Variants in PRKAG2 observed in about 807,000 individuals in gnomAD.
PRKAG2 encodes protein kinase AMP-activated non-catalytic subunit gamma 2, also known as 5'-AMP-activated protein kinase subunit gamma-2.
In PRKAG2, 26 loss-of-function variants were observed where a neutral mutation model predicts 69.6. That is an observed-to-expected ratio of 0.37 (90% CI 0.27 to 0.52). PRKAG2 has a LOEUF of 0.52. PRKAG2 is among the 20% of genes least tolerant of loss of function. The probability of loss-of-function intolerance (pLI) is 0.90; values close to 1 mark genes in which losing one functional copy is unlikely to be tolerated. For missense variants in PRKAG2, 557 were observed against 740.0 expected (o/e 0.75, Z 2.87); for synonymous variants, 293 against 285.0 (o/e 1.03, Z -0.28).
intron 2 of PRKAG2, 130 bp downstream of exon 2, chr7:151,786,340 C>T (rs894743314): frequency 1.1e-5 from 10 of 900,100 alleles, no homozygotes; most frequent in South Asian, 4.2e-5. Context: ...GGCTCGGTTA[C>T]GGCCAGGTGT....
chr7:151,797,592 G>T (rs1184286696), intron 1 of PRKAG2, among the ~76,000 whole-genome samples: 1 of 152,202 alleles, frequency 6.6e-6, no homozygotes, highest in African/African-American at 2.4e-5. Flanking sequence ...TACATCAAAA[G>T]ATTCTTCCCC....
intron 3 of PRKAG2, among the ~76,000 whole-genome samples, chr7:151,770,547 C>A: frequency 6.6e-6 from 1 of 152,226 alleles, no homozygotes; most frequent in Non-Finnish European, 1.5e-5. Flanking sequence ...AGAATGGTGA[C>A]CTGCTGGCTG....
intron 4 of PRKAG2, among the ~76,000 whole-genome samples, chr7:151,643,156 C>T (rs1827023996): frequency 6.6e-6 from 1 of 152,182 alleles, no homozygotes; most frequent in Non-Finnish European, 1.5e-5. Flanking sequence ...TTGTGTTTAA[C>T]ATGAGTTATT....
At chr7:151,832,591 T>A (rs1378017087) in intron 1 of PRKAG2, among the ~76,000 whole-genome samples, 242 of 17,626 alleles carry the variant, frequency 0.014, no homozygotes, top group African/African-American at 0.024. Flanking sequence ...CACTGAGGCA[T>A]CTCTGGGGGG....
At chr7:151,852,427 G>A (rs891869680) in intron 1 of PRKAG2, among the ~76,000 whole-genome samples, 15 of 152,250 alleles carry the variant, frequency 9.9e-5, no homozygotes, top group Middle Eastern at 6.8e-3. Context: ...CCCAGGGGGT[G>A]GAGGTTGCAG....
chr7:151,794,385 C>T (rs963319528), intron 1 of PRKAG2, among the ~76,000 whole-genome samples: 7 of 152,286 alleles, frequency 4.6e-5, no homozygotes, highest in African/African-American at 1.7e-4. Context: ...CCTTTAAAAT[C>T]CAGGAACCTC....
chr7:151,705,414 A>T (rs2727564), intron 3 of PRKAG2, among the ~76,000 whole-genome samples: 2 of 151,900 alleles, frequency 1.3e-5, no homozygotes, highest in African/African-American at 4.8e-5. Context: ...GTTGGCTGGC[A>T]AGCACTCGGT....
At chr7:151,607,614 C>A (rs1245564574) in intron 5 of PRKAG2, among the ~76,000 whole-genome samples, 3 of 152,138 alleles carry the variant, frequency 2.0e-5, no homozygotes, top group Non-Finnish European at 2.9e-5. Flanking sequence ...ATTCAAGGTT[C>A]TAGAACTCGA....
At chr7:151,615,399 G>A (rs1819870671) in intron 5 of PRKAG2, among the ~76,000 whole-genome samples, 1 of 152,176 alleles carries the variant, frequency 6.6e-6, no homozygotes, top group Admixed American at 6.5e-5. Context: ...ACCCGGTAAT[G>A]GGATTGCTAG....
chr7:151,797,179 A>G (rs1003267401), intron 1 of PRKAG2, among the ~76,000 whole-genome samples: 9 of 151,912 alleles, frequency 5.9e-5, no homozygotes, highest in East Asian at 3.9e-4. Context: ...CAGAGGCCCA[A>G]ATGGCCCTGG....
chr7:151,831,065 AAG>A (rs1300521013), intron 1 of PRKAG2, among the ~76,000 whole-genome samples: 3 of 152,240 alleles, frequency 2.0e-5, no homozygotes, highest in Admixed American at 2.0e-4. Context: ...GCTAGAACAT[AAG>A]AGAGACAATT....
intron 1 of PRKAG2, among the ~76,000 whole-genome samples, chr7:151,823,295 TA>T (rs1315749917): frequency 4.0e-4 from 61 of 152,264 alleles, no homozygotes; most frequent in African/African-American, 1.4e-3. Context: ...TGAAACTTCT[TA>T]AATGTTTTAA....
At chr7:151,818,390 G>A (rs373934052) in intron 1 of PRKAG2, among the ~76,000 whole-genome samples, 1 of 142,724 alleles carries the variant, frequency 7.0e-6, no homozygotes, top group African/African-American at 2.7e-5. Flanking sequence ...ATCCCATGCC[G>A]CCCTCAGCCC....
chr7:151,746,807 C>T (rs1012081623), intron 3 of PRKAG2, among the ~76,000 whole-genome samples: 19 of 152,158 alleles, frequency 1.2e-4, no homozygotes, highest in Non-Finnish European at 2.6e-4. Context: ...GGCCAGGCAG[C>T]GCTTGGACTT....
In PRKAG2 at chr7:151,865,829, C is replaced by T. The variant is rs1283283399; in HGVS notation, c.114+10678G>A. ...GGTCAGGAGATTGAGACCATCCTGG[C>T]TAACACGGTGAAACCCCGTCTCTAT... On this transcript the variant is annotated intron_variant, in intron 1 of 15. Coordinates refer to ENST00000287878, the MANE Select transcript of PRKAG2 (RefSeq NM_016203.4). Among the ~76,000 whole-genome samples, 34 of 152,228 alleles carry T rather than the reference C, an allele frequency of 2.2e-4. 1 individual carries two copies.
At chr7:151,605,255 G>T (rs1245389168) in intron 5 of PRKAG2, among the ~76,000 whole-genome samples, 1 of 151,724 alleles carries the variant, frequency 6.6e-6, no homozygotes, top group Non-Finnish European at 1.5e-5. Context: ...GACCTCAAGT[G>T]ATCTGCCTGC....
rs188426713 is a variant in PRKAG2, at chr7:151,564,992, G to A, written c.1437+354C>T. 9.7e-4 allele frequency among the ~76,000 whole-genome samples: 148 copies of A among 152,224 alleles called. 1 individual carries two copies. Among genetic ancestry groups the A allele is most frequent in the African/African-American group, 3.3e-3 (138 of 41,544 alleles). ...AAGCAATGGGATGCGCCCGACAAAG[G>A]AGCCATGAGTCCACGTGTGCACTGC... On this transcript the variant is annotated intron_variant, in intron 13 of 15. Transcript: ENST00000287878.
chr7:151,832,235 A>AGGAGGGGAGGAGG (rs1563737750), intron 1 of PRKAG2, among the ~76,000 whole-genome samples: 1 of 105,884 alleles, frequency 9.4e-6, no homozygotes, highest in Non-Finnish European at 1.9e-5. Flanking sequence ...AGGGAAGGAG[A>AGGAGGGGAGGAGG]GGAGGAGGGA....
chr7:151,632,240 C>T lies in PRKAG2; in HGVS notation c.685-102G>A, dbSNP rs1824751254. The T allele has an allele frequency of 9.2e-7, 1 of 1,083,472 alleles. No homozygotes were observed. The allele number at this position is 1,083,472 out of a possible 1,614,324, so 67.1% of individuals were successfully genotyped here. On this transcript the variant is annotated intron_variant, in intron 4 of 15. Transcript: ENST00000287878. This position sits in a 1 kb window ranked among gnomAD's most constrained non-coding sequence, Gnocchi z 4.2. ...AGCGCTGGGGCCTGGCTCTGCCGCG[C>T]CGCCGGGAGGAGGGGCCTGGCAGGG...
Sources: allele counts gnomAD v4.1 joint callset (sites outside exome capture counted in the v4.1 genomes callset), GRCh38; gene constraint gnomAD v4.1.1; non-coding constraint Gnocchi (gnomAD v3.1); transcripts MANE v1.5; gene names NCBI Gene and HGNC (gene_info 2026-07-23, HGNC 2026-07-21).